PAK6: variants seen among roughly 807,000 people sequenced by gnomAD.
The protein encoded by PAK6 is p21 (RAC1) activated kinase 6.
A neutral mutation model predicts 60.8 loss-of-function variants in PAK6; 33 were observed. That is an observed-to-expected ratio of 0.54 (90% CI 0.41 to 0.73). The LOEUF is 0.73. Ranked by LOEUF, PAK6 falls within the 30% of genes least tolerant of loss-of-function variation. The pLI is 0.00. For synonymous variants in PAK6, 404 were observed against 378.5 expected, an observed-to-expected ratio of 1.07 and a Z score of -0.78; for missense variants, 845 against 904.1, an observed-to-expected ratio of 0.93 and a Z score of 0.84.
intron 2 of PAK6, chr15:40,252,105 T>C (rs879126606): frequency 1.6e-5 from 6 of 367,970 alleles, no homozygotes; most frequent in South Asian, 1.4e-4. Flanking sequence ...AGCACAGTCT[T>C]GGGGCCCTGT....
intron 10 of PAK6, among the ~76,000 whole-genome samples, chr15:40,274,934 C>T (rs545970985): frequency 6.6e-6 from 1 of 152,306 alleles, no homozygotes; most frequent in South Asian, 2.1e-4. Flanking sequence ...TGAAGCCTCT[C>T]CTCTAAAATA....
At chr15:40,277,374 C>T (rs1307805753) in exon 11 of PAK6, 1 of 152,538 alleles carries the variant, frequency 6.6e-6, no homozygotes, top group Non-Finnish European at 1.5e-5. Flanking sequence ...AAAGAAATTG[C>T]AAGGACTTTT....
chr15:40,249,025 C>T (rs1325628653), intron 2 of PAK6, among the ~76,000 whole-genome samples: 1 of 152,178 alleles, frequency 6.6e-6, no homozygotes, highest in Non-Finnish European at 1.5e-5. Flanking sequence ...TTATTTCTCA[C>T]AGTTCTGGAA....
At chr15:40,265,318 G>T (rs781184776) in intron 4 of PAK6, among the ~76,000 whole-genome samples, 3 of 152,208 alleles carry the variant, frequency 2.0e-5, no homozygotes, top group Non-Finnish European at 4.4e-5. Flanking sequence ...AGCCCCATAG[G>T]GACTGAGGGC....
rs200772106 is a variant in PAK6 at position 40,275,902 on chromosome 15, T to A, written c.1879-25T>A. Reference sequence around the variant, plus strand: ...CCCGAAGTGACTGCAAATTGTGGCTTCATCTTACTGCCCTGCCTCTACAGG... The same window carrying A: ...CCCGAAGTGACTGCAAATTGTGGCTACATCTTACTGCCCTGCCTCTACAGG... On this transcript the variant is annotated intron_variant, in intron 10 of 10. Transcript: ENST00000560346. The A allele has an allele frequency of 3.2e-4, 508 of 1,587,308 alleles. 4 individuals carry two copies. The highest frequency in any genetic ancestry group is 6.4e-5 in the Non-Finnish European group (75 of 1,163,022).
chr15:40,254,105 G>C (rs1056669114), intron 3 of PAK6, among the ~76,000 whole-genome samples: 2 of 152,220 alleles, frequency 1.3e-5, no homozygotes, highest in African/African-American at 4.8e-5. Context: ...GAACCGAAGA[G>C]AGTGGGGTTT....
chr15:40,265,174 G>A (rs947172442), intron 4 of PAK6, among the ~76,000 whole-genome samples, 185 bp downstream of exon 4: 6 of 152,228 alleles, frequency 3.9e-5, no homozygotes, highest in Admixed American at 3.3e-4. Flanking sequence ...GAAGGAGGCT[G>A]GGGAGACCCT....
chr15:40,266,022 T>C, exon 5 of PAK6: 1 of 1,602,114 alleles, frequency 6.2e-7, no homozygotes, highest in Non-Finnish European at 8.5e-7. Flanking sequence ...CCCAGACATG[T>C]ACCTCCAGAG....
exon 10 of PAK6, chr15:40,274,197 C>T: frequency 1.9e-6 from 3 of 1,613,440 alleles, no homozygotes; most frequent in East Asian, 2.2e-5. Flanking sequence ...GGGGAGCCAC[C>T]GTACTTCAGT....
At position 40,262,743 on chromosome 15, in the gene PAK6, C is replaced by A. The variant is rs191060753; in HGVS notation, c.-5-2038C>A. 2.0e-5 allele frequency among the ~76,000 whole-genome samples: 3 copies of A among 152,274 alleles called. No homozygotes were observed. The East Asian group carries it at 5.8e-4, about 29-fold the overall frequency. Reference sequence around the variant, plus strand: ...GGGCCTGAGCTTCAAGACAGGGATTCAAAGAGAGGTGACATCACAAGAGAA... The same window carrying A: ...GGGCCTGAGCTTCAAGACAGGGATTAAAAGAGAGGTGACATCACAAGAGAA... On this transcript the variant is annotated intron_variant, in intron 3 of 10. Transcript: ENST00000560346.
chr15:40,248,819 T>C (rs2038574619), intron 2 of PAK6, among the ~76,000 whole-genome samples: 1 of 152,170 alleles, frequency 6.6e-6, no homozygotes, highest in Admixed American at 6.5e-5. Flanking sequence ...AAGGTCTGAG[T>C]TGGTCTCTCC....
At chr15:40,276,792 G>A (rs2140999993) in exon 11 of PAK6, 1 of 153,196 alleles carries the variant, frequency 6.5e-6, no homozygotes, top group South Asian at 2.1e-4. Context: ...GTGTGTGTAA[G>A]GGGAGGAAAG....
At chr15:40,251,755 T>C (rs1364107437) in intron 2 of PAK6, 1 of 152,404 alleles carries the variant, frequency 6.6e-6, no homozygotes, top group Non-Finnish European at 1.5e-5. Context: ...CACTTCTTTA[T>C]CTGGGGAAGA....
chr15:40,263,690 C>G, intron 3 of PAK6: 2 of 325,866 alleles, frequency 6.1e-6, no homozygotes, highest in Non-Finnish European at 1.2e-5. Context: ...TCTCAGCTCA[C>G]TGCAGCCTCA....
At chr15:40,267,593 A>G (rs546729153) in intron 5 of PAK6, among the ~76,000 whole-genome samples, 1 of 152,266 alleles carries the variant, frequency 6.6e-6, no homozygotes, top group East Asian at 1.9e-4. Flanking sequence ...CGGGAGGCAG[A>G]GCTTGCCGTG....
In PAK6 at chr15:40,265,001, C is replaced by A. The variant is rs368360792; in HGVS notation, c.204+12C>A. 2 of 1,610,206 alleles carry A rather than the reference C, an allele frequency of 1.2e-6. No individual in the cohort carries two copies. Among genetic ancestry groups the A allele is most frequent in the African/African-American group, 2.7e-5 (2 of 74,872 alleles). On this transcript the variant is annotated intron_variant, in intron 4 of 10. Transcript: ENST00000560346. ...TCCAGCCCATGAAGGTAAGAGGGGC[C>A]GGCAGGGATGAGGTTCAGCCTCTCC...
chr15:40,255,710 G>A (rs1258194009), intron 3 of PAK6, among the ~76,000 whole-genome samples: 2 of 152,238 alleles, frequency 1.3e-5, no homozygotes, highest in East Asian at 3.8e-4. Context: ...AGAGGCTGAG[G>A]TGAGACAGAG....
At chr15:40,268,614 C>G (rs1462872444) in intron 5 of PAK6, among the ~76,000 whole-genome samples, 1 of 152,214 alleles carries the variant, frequency 6.6e-6, no homozygotes, top group East Asian at 1.9e-4. Context: ...AGAGGCCATG[C>G]AGTGTGCCAG....
chr15:40,252,577 C>T lies in PAK6; in HGVS notation c.-117-601C>T, dbSNP rs113214405. ...TCGCGGTCAGGTGAAGCCGGCGCTG[C>T]ACCAACGTGTAAGCGCGGCCCCTCC... On this transcript the variant is annotated intron_variant, in intron 2 of 10. Transcript: ENST00000560346. 2.2e-6 allele frequency: 3 copies of T among 1,358,834 alleles called. No homozygotes were observed. The African/African-American group carries it at 4.4e-5, about 20-fold the overall frequency. 84.2% of individuals were successfully genotyped at this position (1,358,834 alleles called of 1,614,324 possible). A position where few individuals can be genotyped will look rare whatever the true frequency, so the allele number is the denominator to read the frequency against.
Sources: allele counts gnomAD v4.1 joint callset (sites outside exome capture counted in the v4.1 genomes callset), GRCh38; gene constraint gnomAD v4.1.1; transcripts MANE v1.5; gene names NCBI Gene and HGNC (gene_info 2026-07-23, HGNC 2026-07-21).